The following RSRC1 variants were observed in gnomAD, a reference collection of about 807,000 sequenced individuals.
The protein encoded by RSRC1 is arginine and serine rich coiled-coil 1, also known as serine/Arginine-related protein 53.
In RSRC1, 39 loss-of-function variants were observed where a neutral mutation model predicts 49.1. That is an observed-to-expected ratio of 0.79 (90% CI 0.61 to 1.04). The LOEUF is 1.04. Among genes scored for constraint, RSRC1 ranks in the 50% least tolerant of loss-of-function variants. The pLI is 0.00. For missense variants in RSRC1, 388 were observed against 402.4 expected, an observed-to-expected ratio of 0.96 and a Z score of 0.31; for synonymous variants, 143 against 130.8, an observed-to-expected ratio of 1.09 and a Z score of -0.63.
intron 5 of RSRC1, among the ~76,000 whole-genome samples, chr3:158,341,432 C>T (rs1730236883): frequency 6.6e-6 from 1 of 152,154 alleles, no homozygotes; most frequent in Non-Finnish European, 1.5e-5. Context: ...AGCCAATGTA[C>T]AGCTCGGGCT....
At chr3:158,494,273 G>C (rs958730099) in intron 7 of RSRC1, among the ~76,000 whole-genome samples, 9 of 152,164 alleles carry the variant, frequency 5.9e-5, no homozygotes, top group African/African-American at 2.2e-4. Context: ...TAATGCACTG[G>C]TAAATATTTG....
intron 7 of RSRC1, among the ~76,000 whole-genome samples, chr3:158,472,700 T>C (rs1738192058): frequency 6.6e-6 from 1 of 152,224 alleles, no homozygotes; most frequent in Non-Finnish European, 1.5e-5. Context: ...TTGGTTTTTT[T>C]CTTGTAAATT....
chr3:158,157,571 T>C (rs1717952615), intron 3 of RSRC1, among the ~76,000 whole-genome samples: 1 of 152,212 alleles, frequency 6.6e-6, no homozygotes, highest in African/African-American at 2.4e-5. Context: ...GATCTTTCTA[T>C]TCAGAGACCC....
At chr3:158,524,292 G>A (rs1342360083) in intron 7 of RSRC1, among the ~76,000 whole-genome samples, 4 of 151,888 alleles carry the variant, frequency 2.6e-5, no homozygotes, top group Non-Finnish European at 5.9e-5. Flanking sequence ...CTTCAATTAG[G>A]GCACAATTAA....
At chr3:158,425,403 G>C (rs368717116) in intron 6 of RSRC1, among the ~76,000 whole-genome samples, 1 of 151,818 alleles carries the variant, frequency 6.6e-6, no homozygotes, top group Non-Finnish European at 1.5e-5. Context: ...AGTGAGTTTC[G>C]TAATCCTGAG....
At chr3:158,276,042 CTA>C (rs1725789270) in intron 4 of RSRC1, 2 of 853,560 alleles carry the variant, frequency 2.3e-6, no homozygotes, top group Admixed American at 1.7e-5. Context: ...CAAAAAATTT[CTA>C]TGTGGGATCT....
chr3:158,278,422 A>AT (rs1206984647), intron 4 of RSRC1, among the ~76,000 whole-genome samples: 1 of 152,224 alleles, frequency 6.6e-6, no homozygotes, highest in Non-Finnish European at 1.5e-5. Context: ...GTTGTACTGA[A>AT]TGAGTGTTTT....
intron 4 of RSRC1, among the ~76,000 whole-genome samples, chr3:158,217,300 G>A (rs1020121608): frequency 6.6e-6 from 1 of 151,658 alleles, no homozygotes; most frequent in African/African-American, 2.4e-5. Context: ...ACATTAGACT[G>A]GTATGTGTGG....
intron 3 of RSRC1, among the ~76,000 whole-genome samples, chr3:158,144,708 A>G (rs1202465415): frequency 1.3e-5 from 2 of 152,330 alleles, no homozygotes; most frequent in African/African-American, 4.8e-5. Context: ...AAGAATCGCC[A>G]CACTGACTTC....
chr3:158,295,313 G>T (rs1559981032), intron 4 of RSRC1, among the ~76,000 whole-genome samples: 1 of 152,136 alleles, frequency 6.6e-6, no homozygotes, highest in African/African-American at 2.4e-5. Flanking sequence ...GTAGTTTGTT[G>T]TGGCTGCTGT....
intron 3 of RSRC1, among the ~76,000 whole-genome samples, chr3:158,197,470 T>C (rs1228697671): frequency 6.6e-6 from 1 of 152,192 alleles, no homozygotes; most frequent in Non-Finnish European, 1.5e-5. Flanking sequence ...TTTCATTGAT[T>C]TTTTGAAGGG....
intron 4 of RSRC1, among the ~76,000 whole-genome samples, chr3:158,232,129 G>A (rs1316993845): frequency 1.3e-5 from 2 of 151,928 alleles, no homozygotes; most frequent in Non-Finnish European, 2.9e-5. Context: ...ATATGTTTTT[G>A]TTTAGTACTT....
At chr3:158,410,595 A>G (rs1406683497) in intron 6 of RSRC1, among the ~76,000 whole-genome samples, 1 of 152,160 alleles carries the variant, frequency 6.6e-6, no homozygotes, top group Non-Finnish European at 1.5e-5. Context: ...TTCAACACCT[A>G]GCATAGTTCC....
chr3:158,175,288 G>C (rs1019631458), intron 3 of RSRC1, among the ~76,000 whole-genome samples: 2 of 151,842 alleles, frequency 1.3e-5, no homozygotes, highest in Admixed American at 1.3e-4. Context: ...TTACTCTAAT[G>C]ATGGTGTCAT....
chr3:158,150,646 G>T (rs570558303), intron 3 of RSRC1, among the ~76,000 whole-genome samples: 1 of 152,130 alleles, frequency 6.6e-6, no homozygotes, highest in African/African-American at 2.4e-5. Flanking sequence ...ATAAGAGAGG[G>T]TTGTTCCTTG....
intron 6 of RSRC1, among the ~76,000 whole-genome samples, chr3:158,384,749 C>T (rs1732877625): frequency 6.6e-6 from 1 of 152,146 alleles, no homozygotes; most frequent in African/African-American, 2.4e-5. Context: ...ACCCTAGCCC[C>T]TCCTTCTTCT....
chr3:158,262,392 G>A (rs917387343), intron 4 of RSRC1, among the ~76,000 whole-genome samples: 5 of 152,004 alleles, frequency 3.3e-5, no homozygotes, highest in African/African-American at 1.2e-4. Flanking sequence ...AGAGTATATT[G>A]AATTGCCTTT....
intron 3 of RSRC1, among the ~76,000 whole-genome samples, chr3:158,160,448 A>G (rs757511474): frequency 6.6e-6 from 1 of 152,294 alleles, no homozygotes; most frequent in East Asian, 1.9e-4. Flanking sequence ...GGTGGAATAC[A>G]TATAGAGAAA....
Position 158,203,175 on chromosome 3 carries a change from A to G in RSRC1, c.424A>G (p.Arg142Gly), listed in dbSNP as rs892453242. The change falls in exon 4 of 10, where the codon AGA becomes GGA. Residue 142 changes from arginine to glycine, a missense_variant. Coordinates refer to ENST00000611884, the MANE Select transcript of RSRC1 (RefSeq NM_001271838.2). The stretch of plus-strand genomic sequence containing the variant: ...TCGGGATAGAGAACGACGTAAGGGC[A>G]GAGATAAAGAGAAAAGAGAAAAGGA... ...RSRDRERRKG[R>G]DKEKREKEKD... 7.4e-6 allele frequency: 12 copies of G among 1,613,000 alleles called. No homozygotes were observed. Among genetic ancestry groups the G allele is most frequent in the South Asian group, 5.5e-5 (5 of 90,908 alleles).
Sources: gnomAD v4.1 joint callset for allele counts (sites outside exome capture counted in the v4.1 genomes callset) on GRCh38, gnomAD v4.1.1 for gene constraint, MANE v1.5 for transcripts, NCBI Gene and HGNC (gene_info 2026-07-23, HGNC 2026-07-21) for gene names.